The following TNS3 variants were observed in gnomAD, a reference collection of about 807,000 sequenced individuals.
TNS3 encodes tensin 3, also known as tensin-3.
TNS3 carries 45 observed loss-of-function variants against 140.9 expected under a neutral mutation model. The ratio of observed to expected loss-of-function variants is 0.32; its 90% CI spans 0.25 to 0.41. The LOEUF is 0.41. TNS3 is among the 10% of genes least tolerant of loss of function. The pLI, the probability that TNS3 is intolerant of heterozygous loss-of-function variation, is 1.00. For synonymous variants in TNS3, 815 were observed against 788.4 expected, an observed-to-expected ratio of 1.03 and a Z score of -0.56; for missense variants, 1,716 against 1,906.7, an observed-to-expected ratio of 0.90 and a Z score of 1.86.
chr7:47,295,329 A>G lies in TNS3; in HGVS notation c.3677-1501T>C, dbSNP rs537382056. 3.3e-5 allele frequency among the ~76,000 whole-genome samples: 5 copies of G among 152,340 alleles called. No homozygotes were observed. The South Asian group carries it at 1.0e-3, about 32-fold the overall frequency. Reference sequence around the variant, plus strand: ...ATTTGTCCTTGCTTTAAAACTTTACACGGAAACGAAGGAGCCAACCAAAAC... The same window carrying G: ...ATTTGTCCTTGCTTTAAAACTTTACGCGGAAACGAAGGAGCCAACCAAAAC... On this transcript the variant is annotated intron_variant, in intron 24 of 30. Coordinates refer to ENST00000311160, the MANE Select transcript of TNS3 (RefSeq NM_022748.12).
At chr7:47,321,240 C>G (rs1787719183) in intron 20 of TNS3, among the ~76,000 whole-genome samples, 1 of 152,244 alleles carries the variant, frequency 6.6e-6, no homozygotes, top group Admixed American at 6.5e-5. Flanking sequence ...TCATACCATG[C>G]CTAATGGGTA....
chr7:47,358,100 AC>A (rs1181492288), intron 17 of TNS3, among the ~76,000 whole-genome samples: 1 of 149,720 alleles, frequency 6.7e-6, no homozygotes, highest in Non-Finnish European at 1.5e-5. Flanking sequence ...TTTTTGGATC[AC>A]CCCCCATCAC....
intron 4 of TNS3, chr7:47,470,421 A>G (rs1029703500): frequency 5.6e-5 from 55 of 981,690 alleles, no homozygotes; most frequent in Non-Finnish European, 6.4e-5. Context: ...TGTGCCATAA[A>G]AGAAAAGAAA....
At chr7:47,411,471 C>T (rs189926779) in intron 13 of TNS3, among the ~76,000 whole-genome samples, 2 of 152,274 alleles carry the variant, frequency 1.3e-5, no homozygotes, top group East Asian at 1.9e-4. Flanking sequence ...AATCTCATGG[C>T]GCCGCTGATC....
At chr7:47,432,142 G>T (rs895531873) in intron 8 of TNS3, among the ~76,000 whole-genome samples, 1 of 152,196 alleles carries the variant, frequency 6.6e-6, no homozygotes, top group Non-Finnish European at 1.5e-5. Context: ...CAAAACTCAT[G>T]TTGAAATTTA....
At chr7:47,581,280 G>A (rs1784526606) in intron 1 of TNS3, among the ~76,000 whole-genome samples, 1 of 151,884 alleles carries the variant, frequency 6.6e-6, no homozygotes, top group Admixed American at 6.6e-5. Context: ...GTGCCAGGAG[G>A]CACATGCCAC....
intron 6 of TNS3, among the ~76,000 whole-genome samples, chr7:47,438,809 T>G (rs1315620615): frequency 6.6e-6 from 1 of 152,076 alleles, no homozygotes; most frequent in Non-Finnish European, 1.5e-5. Context: ...TTACCACAGA[T>G]AAGGAGGCCT....
intron 17 of TNS3, among the ~76,000 whole-genome samples, chr7:47,359,398 G>A (rs1360653659): frequency 6.6e-6 from 1 of 152,172 alleles, no homozygotes; most frequent in African/African-American, 2.4e-5. Context: ...AGGGAGGTGT[G>A]GACAGGAAGT....
At chr7:47,314,834 G>T (rs1248094487) in intron 20 of TNS3, among the ~76,000 whole-genome samples, 1 of 152,162 alleles carries the variant, frequency 6.6e-6, no homozygotes, top group African/African-American at 2.4e-5. Context: ...CATTAAGCCC[G>T]CTGCTCTCTC....
intron 24 of TNS3, among the ~76,000 whole-genome samples, chr7:47,295,389 T>C (rs1008358944): frequency 6.6e-6 from 1 of 152,192 alleles, no homozygotes; most frequent in Non-Finnish European, 1.5e-5. Flanking sequence ...TAATCTCTCA[T>C]CTCTGCAGAC....
chr7:47,292,497 C>T (rs1390455656), intron 26 of TNS3, among the ~76,000 whole-genome samples: 2 of 152,160 alleles, frequency 1.3e-5, no homozygotes, highest in Non-Finnish European at 2.9e-5. Context: ...TTGCCCATTC[C>T]GTAGAAACGT....
In TNS3 at chr7:47,521,733, C is replaced by T. The variant is rs76170249; in HGVS notation, c.-153+7303G>A. ...AGGTCAAAAATGAGCCCTGTGCAGC[C>T]GGCCTCTCAAAGCACCTGGGGGAGT... On this transcript the variant is annotated intron_variant, in intron 2 of 30. Coordinates refer to ENST00000311160, the MANE Select transcript of TNS3 (RefSeq NM_022748.12). 9.0e-3 allele frequency among the ~76,000 whole-genome samples: 1,370 copies of T among 152,192 alleles called. 21 individuals carry two copies. Among genetic ancestry groups the T allele is most frequent in the East Asian group, 0.051 (265 of 5,174 alleles).
At chr7:47,306,813 G>A (rs547734542) in intron 20 of TNS3, among the ~76,000 whole-genome samples, 41 of 152,298 alleles carry the variant, frequency 2.7e-4, no homozygotes, top group African/African-American at 9.1e-4. Context: ...TCCTGAACTC[G>A]TGATCTGCCC....
intron 20 of TNS3, among the ~76,000 whole-genome samples, chr7:47,332,749 T>G (rs1788414012): frequency 6.6e-6 from 1 of 152,164 alleles, no homozygotes; most frequent in Non-Finnish European, 1.5e-5. Context: ...GCACACATAT[T>G]CTTATTTTAC....
At chr7:47,430,111 C>T (rs1799369) in intron 8 of TNS3, among the ~76,000 whole-genome samples, 114,580 of 149,754 alleles carry the variant, frequency 0.77, 45,574 homozygotes, top group Non-Finnish European at 0.87. Context: ...GCAAGTATTT[C>T]TTTTCTTTTC....
intron 1 of TNS3, among the ~76,000 whole-genome samples, chr7:47,551,534 A>G (rs1482392403): frequency 6.6e-6 from 1 of 152,224 alleles, no homozygotes; most frequent in Non-Finnish European, 1.5e-5. Context: ...TCAGGGTTCA[A>G]AACTACAGGC....
chr7:47,443,902 C>G (rs543960106), intron 4 of TNS3, among the ~76,000 whole-genome samples: 26 of 152,126 alleles, frequency 1.7e-4, no homozygotes, highest in African/African-American at 6.3e-4. Context: ...GCCTGGGCAA[C>G]AGAGCAAGAC....
chr7:47,581,043 C>T (rs1313331911), intron 1 of TNS3, among the ~76,000 whole-genome samples: 1 of 152,162 alleles, frequency 6.6e-6, no homozygotes, highest in Admixed American at 6.5e-5. Context: ...GGCCCCACAC[C>T]CTGATGGCGC....
intron 4 of TNS3, among the ~76,000 whole-genome samples, chr7:47,444,870 T>C (rs1471429111): frequency 6.6e-6 from 1 of 152,226 alleles, no homozygotes; most frequent in Admixed American, 6.5e-5. Flanking sequence ...CTGTAATCTG[T>C]GCTATCACCA....
Sources: gnomAD v4.1 joint callset for allele counts (sites outside exome capture counted in the v4.1 genomes callset) on GRCh38, gnomAD v4.1.1 for gene constraint, MANE v1.5 for transcripts, NCBI Gene and HGNC (gene_info 2026-07-23, HGNC 2026-07-21) for gene names.